EML4: variants seen among roughly 807,000 people sequenced by gnomAD.
EML4 encodes the protein echinoderm microtubule-associated protein-like 4.
A neutral mutation model predicts 129.0 loss-of-function variants in EML4; 72 were observed. The observed-to-expected ratio is 0.56, with a 90% CI of 0.46 to 0.68. EML4 has a LOEUF of 0.68. EML4 is among the 30% of genes least tolerant of loss of function. The pLI, the probability that EML4 is intolerant of heterozygous loss-of-function variation, is 0.00. For synonymous variants in EML4, 532 were observed against 405.0 expected (o/e 1.31, Z -3.77); for missense variants, 1,363 against 1,190.6 (o/e 1.14, Z -2.13).
rs1669948571 is a variant in EML4 at position 42,328,877 on chromosome 2, A to T, written c.2342-9A>T. 1 of 1,581,184 alleles carries T rather than the reference A, an allele frequency of 6.3e-7. No homozygotes were observed. Among genetic ancestry groups the T allele is most frequent in the African/African-American group, 1.4e-5 (1 of 73,900 alleles). On this transcript the variant is annotated splice_polypyrimidine_tract_variant and intron_variant, in intron 21 of 22. Transcript: ENST00000318522. Reference sequence around the variant, plus strand: ...AATTTTTCTGCATCCCTGTGTTTCCATATCAAAGGTGTCTGGCCAGAAGGA... The same window carrying T: ...AATTTTTCTGCATCCCTGTGTTTCCTTATCAAAGGTGTCTGGCCAGAAGGA...
intron 5 of EML4, among the ~76,000 whole-genome samples, chr2:42,264,213 C>A (rs142524513): frequency 0.012 from 1,717 of 147,908 alleles, 19 homozygotes; most frequent in Middle Eastern, 0.064. Context: ...TTCCTGGGCT[C>A]AGGTGATTCT....
At position 42,206,873 on chromosome 2, in the gene EML4, T is replaced by G. The variant is rs191847098; in HGVS notation, c.25+37237T>G. Among the ~76,000 whole-genome samples the G allele has an allele frequency of 2.4e-3, 360 of 152,320 alleles. 1 individual carries two copies. The highest frequency in any genetic ancestry group is 8.4e-3 in the African/African-American group (351 of 41,572). The stretch of plus-strand genomic sequence containing the variant: ...CTGGATTCAAATTCTGACCTTACCA[T>G]TTGTTGATCATGTAATCTTGGGTGT... On this transcript the variant is annotated intron_variant, in intron 1 of 22. Transcript: ENST00000318522.
At chr2:42,256,433 T>C in intron 2 of EML4, 68 bp from the exon 3 acceptor site, 1 of 1,487,272 alleles carries the variant, frequency 6.7e-7, no homozygotes, top group Non-Finnish European at 9.0e-7. Flanking sequence ...ATGGACTTAA[T>C]TTTAAAATTT....
At chr2:42,306,066 A>G (rs1182411186) in intron 17 of EML4, among the ~76,000 whole-genome samples, 1 of 152,240 alleles carries the variant, frequency 6.6e-6, no homozygotes, top group Non-Finnish European at 1.5e-5. Flanking sequence ...GAGTGAAATC[A>G]TTGAATTTTT....
intron 19 of EML4, among the ~76,000 whole-genome samples, chr2:42,317,936 A>G (rs1328313169): frequency 6.6e-6 from 1 of 152,204 alleles, no homozygotes; most frequent in Non-Finnish European, 1.5e-5. Flanking sequence ...AAGAATGTAT[A>G]TGGATATTTG....
intron 12 of EML4, 42 bp from the exon 13 acceptor site, chr2:42,295,339 A>G (rs1266496279): frequency 3.7e-6 from 6 of 1,605,822 alleles, no homozygotes; most frequent in Admixed American, 1.7e-5. Context: ...TCAAGTTGTC[A>G]TGGCAAAAAG....
Position 42,317,508 on chromosome 2 carries a change from G to C in EML4, c.2138G>C (p.Arg713Thr). ...VVSENGRKYS[R>T]YGRCTGHSSY... Reference sequence around the variant, plus strand: ...TCTGAAAATGGAAGAAAATATAGCAGATATGGAAGGTGCACTGTAAGTAGT... The same window carrying C: ...TCTGAAAATGGAAGAAAATATAGCACATATGGAAGGTGCACTGTAAGTAGT... The change falls in exon 19 of 23, where the codon AGA becomes ACA. Residue 713 changes from arginine (R) to threonine (T), a missense_variant. Coordinates refer to ENST00000318522, the MANE Select transcript of EML4 (RefSeq NM_019063.5). The C allele has an allele frequency of 6.2e-7, 1 of 1,608,202 alleles. No individual in the cohort carries two copies. The highest frequency in any genetic ancestry group is 8.5e-7 in the Non-Finnish European group (1 of 1,176,428).
intron 1 of EML4, among the ~76,000 whole-genome samples, chr2:42,192,117 T>G (rs1262659412): frequency 1.9e-5 from 2 of 106,518 alleles, no homozygotes; most frequent in Non-Finnish European, 4.0e-5. Flanking sequence ...AGAGGGAAAC[T>G]GTCTCAAAAA....
chr2:42,179,034 A>AG (rs888376627), intron 1 of EML4, among the ~76,000 whole-genome samples: 5 of 152,096 alleles, frequency 3.3e-5, no homozygotes, highest in Non-Finnish European at 7.4e-5. Flanking sequence ...ATTACTTGTA[A>AG]GGGGGGGAAA....
In EML4 at chr2:42,330,200, C is replaced by T. The variant is rs758054239; in HGVS notation, c.2939C>T (p.Ser980Leu). The T allele has an allele frequency of 3.1e-6, 5 of 1,612,878 alleles. No homozygotes were observed. The highest frequency in any genetic ancestry group is 2.2e-5 in the East Asian group (1 of 44,870). ...LLEDQQDPSP[S>L]S ...GAGGACCAGCAAGACCCTTCGCCCT[C>T]GTCCTAACACCCTGGCTTCAGTGCA... is the stretch of plus-strand genomic sequence containing the variant. Residue 980 changes from serine to leucine, a missense_variant, in exon 23 of 23, where the codon TCG (serine) becomes TTG (leucine). Coordinates refer to ENST00000318522, the MANE Select transcript of EML4 (RefSeq NM_019063.5).
chr2:42,303,018 A>G (rs761864752), intron 14 of EML4, 86 bp from the exon 15 acceptor site: 10 of 1,378,010 alleles, frequency 7.3e-6, no homozygotes, highest in South Asian at 1.3e-5. Flanking sequence ...ATTACCTCAT[A>G]ATTGCTTACA....
At chr2:42,237,752 T>C (rs1217239281) in intron 1 of EML4, among the ~76,000 whole-genome samples, 1 of 152,166 alleles carries the variant, frequency 6.6e-6, no homozygotes, top group Non-Finnish European at 1.5e-5. Context: ...ATTAAGAAAG[T>C]CATAAGGAAA....
intron 1 of EML4, among the ~76,000 whole-genome samples, chr2:42,228,694 TTGAC>T (rs1674132579): frequency 1.3e-5 from 2 of 152,316 alleles, no homozygotes; most frequent in East Asian, 1.9e-4. Flanking sequence ...CTGGTAAAAA[TTGAC>T]TGACTTTCTG....
intron 21 of EML4, among the ~76,000 whole-genome samples, chr2:42,327,216 A>G (rs2103840766): frequency 6.6e-6 from 1 of 152,306 alleles, no homozygotes; most frequent in Non-Finnish European, 1.5e-5. Context: ...CATTGTATGG[A>G]TAGATGACAT....
chr2:42,291,267 T>G (rs1438343161), intron 11 of EML4, among the ~76,000 whole-genome samples: 1 of 152,078 alleles, frequency 6.6e-6, no homozygotes, highest in Non-Finnish European at 1.5e-5. Context: ...GCATGAAAGG[T>G]AAAAAACAGT....
chr2:42,229,670 G>C (rs1198928239), intron 1 of EML4, among the ~76,000 whole-genome samples: 3 of 151,736 alleles, frequency 2.0e-5, no homozygotes, highest in Non-Finnish European at 2.9e-5. Flanking sequence ...TTTTTTTCTT[G>C]GGTAAGAAAT....
intron 19 of EML4, among the ~76,000 whole-genome samples, chr2:42,321,200 G>A (rs545572225): frequency 1.3e-5 from 2 of 152,006 alleles, no homozygotes; most frequent in African/African-American, 2.4e-5. Context: ...TGGCTAACAC[G>A]GTGAAACCCC....
chr2:42,208,884 C>G (rs1412125591), intron 1 of EML4, among the ~76,000 whole-genome samples: 2 of 151,380 alleles, frequency 1.3e-5, no homozygotes, highest in Non-Finnish European at 2.9e-5. Context: ...TAACCACAGT[C>G]TAGAACAAGA....
intron 2 of EML4, among the ~76,000 whole-genome samples, chr2:42,248,016 G>C (rs1279437596): frequency 1.3e-5 from 2 of 151,808 alleles, no homozygotes; most frequent in East Asian, 3.9e-4. Flanking sequence ...ACTTTTTTAG[G>C]AGACACGGTC....
Sources: allele counts gnomAD v4.1 joint callset (sites outside exome capture counted in the v4.1 genomes callset), GRCh38; gene constraint gnomAD v4.1.1; transcripts MANE v1.5; gene names NCBI Gene and HGNC (gene_info 2026-07-23, HGNC 2026-07-21).